Variants in COL13A1 observed in about 807,000 individuals in gnomAD.
The protein encoded by COL13A1 is collagen type XIII alpha 1 chain, also known as collagen alpha-1(XIII) chain.
COL13A1 carries 89 observed loss-of-function variants against 130.9 expected under a neutral mutation model. That is an observed-to-expected ratio of 0.68 (90% CI 0.57 to 0.81). The LOEUF (loss-of-function observed/expected upper bound fraction) is 0.81. Among genes scored for constraint, COL13A1 ranks in the 30% least tolerant of loss-of-function variants. The probability of loss-of-function intolerance (pLI) is 0.00; values close to 1 mark genes in which losing one functional copy is unlikely to be tolerated. For synonymous variants in COL13A1, 402 were observed against 341.6 expected (o/e 1.18, Z -1.95); for missense variants, 879 against 934.6 (o/e 0.94, Z 0.78).
At chr10:69,905,443 A>G (rs2135220504) in intron 16 of COL13A1, among the ~76,000 whole-genome samples, 2 of 152,246 alleles carry the variant, frequency 1.3e-5, no homozygotes, top group African/African-American at 4.8e-5. Flanking sequence ...GATTGTGCCT[A>G]ACTATCTTAT....
At chr10:69,917,942 C>G (rs1483946620) in intron 18 of COL13A1, among the ~76,000 whole-genome samples, 1 of 152,074 alleles carries the variant, frequency 6.6e-6, no homozygotes, top group African/African-American at 2.4e-5. Flanking sequence ...CTTTCATATT[C>G]CAACGAAGCT....
chr10:69,822,320 T>G, intron 1 of COL13A1, 49 bp from the exon 2 acceptor site: 1 of 1,448,014 alleles, frequency 6.9e-7, no homozygotes, highest in South Asian at 1.3e-5. Flanking sequence ...TTCCAGGGCT[T>G]GGTGTCTACG....
At chr10:69,952,645 T>C (rs1378548781) in intron 38 of COL13A1, among the ~76,000 whole-genome samples, 2 of 152,226 alleles carry the variant, frequency 1.3e-5, no homozygotes, top group Non-Finnish European at 2.9e-5. Context: ...CCTGCAGCTC[T>C]GAGCCCTCTG....
rs1044117978 is a variant in COL13A1, at chr10:69,921,768, G to C, written c.1090-114G>C. On this transcript the variant is annotated intron_variant, in intron 21 of 40. Transcript: ENST00000645393. ...CCTTCAGAAAGCCAGCTGGGGGCAG[G>C]GGCACCGAGGCAGGAGCAAGGGAAG... 6.6e-6 allele frequency: 9 copies of C among 1,367,636 alleles called. No homozygotes were observed. In the Admixed American group the frequency reaches 1.4e-4, roughly 21 times the overall value. 84.7% of individuals were successfully genotyped at this position (1,367,636 alleles called of 1,614,324 possible). A position where few individuals can be genotyped will look rare whatever the true frequency, so the allele number is the denominator to read the frequency against.
chr10:69,829,208 A>T, intron 2 of COL13A1: 2 of 984,292 alleles, frequency 2.0e-6, no homozygotes, highest in Non-Finnish European at 2.4e-6. Context: ...AATTTCCTCC[A>T]CCTCCACCGT....
rs1236611263 is a variant in COL13A1, at chr10:69,928,946, G to T, written c.1432G>T (p.Gly478Cys). The change falls in exon 28 of 41, where the codon GGT becomes TGT. Residue 478 changes from glycine (G) to cysteine (C), a missense_variant. By Grantham distance (159) the Gly-to-Cys change is radical. Around this residue, in one of 3 missense-constraint regions of COL13A1, gnomAD observed 715 missense variants for 721.0 expected, o/e 0.99. Coordinates refer to ENST00000645393, the MANE Select transcript of COL13A1 (RefSeq NM_001368882.1). ...TTCCTTTCTCTCCTAGGGGCCTCCT[G>T]GTCTTCCTGGGCAAATTGGCCCACC... The part of the protein sequence containing the change: ...IRTLALMGPP[G>C]LPGQIGPPGA... The T allele has an allele frequency of 1.9e-6, 3 of 1,613,098 alleles. No individual in the cohort carries two copies. Among genetic ancestry groups the T allele is most frequent in the Non-Finnish European group, 2.5e-6 (3 of 1,179,340 alleles).
At chr10:69,940,583 A>T (rs1675802231) in intron 34 of COL13A1, among the ~76,000 whole-genome samples, 1 of 152,160 alleles carries the variant, frequency 6.6e-6, no homozygotes, top group Non-Finnish European at 1.5e-5. Context: ...TCCCCAGTGA[A>T]ACCTGTCCTG....
chr10:69,905,671 G>A (rs2062675666), intron 16 of COL13A1, 116 bp from the exon 17 acceptor site: 8 of 1,126,010 alleles, frequency 7.1e-6, no homozygotes, highest in Non-Finnish European at 1.1e-5. Flanking sequence ...GTGTTGAAGG[G>A]GCAGTGGAAC....
intron 2 of COL13A1, among the ~76,000 whole-genome samples, chr10:69,841,637 GC>G (rs1029161579): frequency 6.6e-6 from 1 of 152,072 alleles, no homozygotes; most frequent in Non-Finnish European, 1.5e-5. Context: ...TCCACCAATT[GC>G]CCCAGCAAAT....
intron 28 of COL13A1, among the ~76,000 whole-genome samples, chr10:69,929,768 G>C (rs891222690): frequency 6.6e-6 from 1 of 152,192 alleles, no homozygotes; most frequent in African/African-American, 2.4e-5. Flanking sequence ...GGAGGTTGTG[G>C]CTAAAACATG....
chr10:69,884,219 C>T (rs543953557), intron 7 of COL13A1, among the ~76,000 whole-genome samples: 120 of 152,288 alleles, frequency 7.9e-4, no homozygotes, highest in Middle Eastern at 3.4e-3. Context: ...CAAGAGTGGA[C>T]CATGCACACC....
chr10:69,815,440 G>A (rs564809820), intron 1 of COL13A1, among the ~76,000 whole-genome samples: 3 of 152,280 alleles, frequency 2.0e-5, no homozygotes, highest in Admixed American at 1.3e-4. Flanking sequence ...AGGAGGCCCC[G>A]GCTGCCAGCA....
At chr10:69,934,284 A>G (rs2066534395) in intron 31 of COL13A1, among the ~76,000 whole-genome samples, 1 of 152,262 alleles carries the variant, frequency 6.6e-6, no homozygotes, top group African/African-American at 2.4e-5. Context: ...TGATTAGGAT[A>G]CATAAACCAC....
intron 2 of COL13A1, among the ~76,000 whole-genome samples, chr10:69,861,357 G>T (rs1858019113): frequency 6.6e-6 from 1 of 152,150 alleles, no homozygotes. Context: ...AGTCCTCTGG[G>T]GACCTCCTGG....
At chr10:69,947,231 G>A (rs2068689592) in intron 37 of COL13A1, 76 bp from the exon 38 acceptor site, 1 of 1,337,980 alleles carries the variant, frequency 7.5e-7, no homozygotes, top group African/African-American at 1.4e-5. Flanking sequence ...AGAGTTTGAT[G>A]AGCCTGGAAG....
intron 2 of COL13A1, among the ~76,000 whole-genome samples, chr10:69,854,984 A>G (rs1855995674): frequency 6.6e-6 from 1 of 152,134 alleles, no homozygotes; most frequent in African/African-American, 2.4e-5. Context: ...TGGTGTGGAA[A>G]GAGGATGGAC....
chr10:69,875,850 C>A (rs2059521507), intron 5 of COL13A1, among the ~76,000 whole-genome samples: 1 of 152,232 alleles, frequency 6.6e-6, no homozygotes, highest in Non-Finnish European at 1.5e-5. Context: ...TCACCACTCC[C>A]CAGCCTGGGC....
At chr10:69,936,870 G>A (rs969952899) in intron 33 of COL13A1, 88 bp downstream of exon 33, 1 of 1,536,014 alleles carries the variant, frequency 6.5e-7, no homozygotes, top group Non-Finnish European at 9.0e-7. Flanking sequence ...CTTTTTCCTA[G>A]AAGGCATTAG....
intron 1 of COL13A1, among the ~76,000 whole-genome samples, chr10:69,806,876 T>C (rs981079116): frequency 6.6e-6 from 1 of 152,050 alleles, no homozygotes; most frequent in Non-Finnish European, 1.5e-5. Context: ...GGCATGGTGG[T>C]GGGTGCCTAT....
Sources: allele counts gnomAD v4.1 joint callset (sites outside exome capture counted in the v4.1 genomes callset), GRCh38; gene constraint gnomAD v4.1.1; regional missense constraint gnomAD v4.1.1; transcripts MANE v1.5; gene names NCBI Gene and HGNC (gene_info 2026-07-23, HGNC 2026-07-21).